Variants in C6 observed in about 807,000 individuals in gnomAD.
C6 encodes complement component C6.
C6 carries 101 observed loss-of-function variants against 112.9 expected under a neutral mutation model. That is an observed-to-expected ratio of 0.89 (90% CI 0.76 to 1.06). The LOEUF is 1.06. Among genes scored for constraint, C6 ranks in the 50% least tolerant of loss-of-function variants. The pLI, the probability that C6 is intolerant of heterozygous loss-of-function variation, is 0.00. For missense variants in C6, 1,202 were observed against 1,104.6 expected (o/e 1.09, Z -1.25); for synonymous variants, 431 against 384.1 (o/e 1.12, Z -1.43).
intron 1 of C6, among the ~76,000 whole-genome samples, chr5:41,242,774 TAA>T: frequency 6.6e-6 from 1 of 151,924 alleles, no homozygotes; most frequent in South Asian, 2.1e-4. Flanking sequence ...ATGAATGGAT[TAA>T]AAAAAGTATG....
intron 9 of C6, among the ~76,000 whole-genome samples, chr5:41,171,074 A>G (rs1481653190): frequency 2.0e-5 from 3 of 152,172 alleles, no homozygotes; most frequent in Non-Finnish European, 4.4e-5. Context: ...AAGCAGGAAG[A>G]CCACTTAGGG....
rs745693735 is a variant in C6, at chr5:41,203,083, C to G, written c.143+5G>C. On this transcript the variant is annotated splice_donor_5th_base_variant and intron_variant, in intron 2 of 17. Transcript: ENST00000337836. The stretch of plus-strand genomic sequence containing the variant: ...ACAAAGAAAAGCCACAAAGCTCACA[C>G]CCACCTGTGTCTGCTCTGGGTTCCA... 1.2e-5 allele frequency: 20 copies of G among 1,613,898 alleles called. No individual in the cohort carries two copies. In the African/African-American group the frequency reaches 1.7e-4, roughly 14 times the overall value.
At chr5:41,150,208 C>T (rs1313544704) in intron 15 of C6, among the ~76,000 whole-genome samples, 183 bp from the exon 16 acceptor site, 1 of 152,132 alleles carries the variant, frequency 6.6e-6, no homozygotes, top group Non-Finnish European at 1.5e-5. Flanking sequence ...CTTTCCAGTG[C>T]ACATGAGGTG....
chr5:41,206,738 A>G (rs1009445790), intron 1 of C6, among the ~76,000 whole-genome samples: 1 of 152,224 alleles, frequency 6.6e-6, no homozygotes, highest in Admixed American at 6.5e-5. Flanking sequence ...AAAAGACCAA[A>G]TCTACGTCTG....
chr5:41,206,812 A>G (rs1751475265), intron 1 of C6, among the ~76,000 whole-genome samples: 1 of 152,224 alleles, frequency 6.6e-6, no homozygotes. Flanking sequence ...GCAGGATATT[A>G]TCCAGGAGAA....
At chr5:41,175,457 T>C (rs550883579) in intron 8 of C6, among the ~76,000 whole-genome samples, 3 of 152,306 alleles carry the variant, frequency 2.0e-5, no homozygotes, top group Admixed American at 2.0e-4. Flanking sequence ...TTTCCTTCAT[T>C]ATATGTAACT....
rs1748843930 is a variant in C6, at chr5:41,176,361, A to G, written c.1168+114T>C. The G allele has an allele frequency of 2.8e-6, 3 of 1,073,644 alleles. No homozygotes were observed. In the African/African-American group the frequency reaches 4.8e-5, roughly 17 times the overall value. The allele number at this position is 1,073,644 out of a possible 1,614,324, so 66.5% of individuals were successfully genotyped here. On this transcript the variant is annotated intron_variant, in intron 8 of 17. Coordinates refer to ENST00000337836, the MANE Select transcript of C6 (RefSeq NM_000065.5). ...TATCATTCTTCATATCATTTTGGAAATAAAGCAGGATCTAAATAAAGTCAA... is the reference window on the plus strand; with the variant it reads ...TATCATTCTTCATATCATTTTGGAAGTAAAGCAGGATCTAAATAAAGTCAA...
chr5:41,236,528 C>A (rs1377555050), intron 1 of C6, among the ~76,000 whole-genome samples: 1 of 126,420 alleles, frequency 7.9e-6, no homozygotes, highest in Non-Finnish European at 1.7e-5. Context: ...TTGAAACCAA[C>A]GAGAACAAAG....
At chr5:41,208,105 T>C (rs955922484) in intron 1 of C6, among the ~76,000 whole-genome samples, 1 of 152,218 alleles carries the variant, frequency 6.6e-6, no homozygotes, top group African/African-American at 2.4e-5. Flanking sequence ...CTGAACAACC[T>C]GCTCTTGAAT....
rs745816890 is a variant in C6, at chr5:41,160,379, TG to T, written c.1459-13del. On this transcript the variant is annotated splice_polypyrimidine_tract_variant and intron_variant, in intron 10 of 17. Coordinates refer to ENST00000337836, the MANE Select transcript of C6 (RefSeq NM_000065.5). ...ACGATGGGGGCAAGCTAGGAGAAAA[TG>T]GGAGAGAGGAGGTCCAGTCACATCC... 1 of 1,605,224 alleles carries T rather than the reference TG, an allele frequency of 6.2e-7. No individual in the cohort carries two copies. Among genetic ancestry groups the T allele is most frequent in the East Asian group, 2.2e-5 (1 of 44,782 alleles).
At chr5:41,239,800 G>A (rs1194587722) in intron 1 of C6, among the ~76,000 whole-genome samples, 1 of 152,088 alleles carries the variant, frequency 6.6e-6, no homozygotes, top group Admixed American at 6.5e-5. Context: ...TGGTTTAGTG[G>A]TGATAAATTC....
intron 7 of C6, among the ~76,000 whole-genome samples, chr5:41,177,186 T>C (rs575076358): frequency 4.6e-5 from 7 of 152,346 alleles, no homozygotes; most frequent in South Asian, 2.1e-4. Context: ...TTCGATTCTC[T>C]AGACTTCAGT....
intron 1 of C6, among the ~76,000 whole-genome samples, chr5:41,250,448 T>G (rs958013559): frequency 6.6e-6 from 1 of 152,206 alleles, no homozygotes; most frequent in Non-Finnish European, 1.5e-5. Context: ...CAGTTATATT[T>G]TAGACCCTGG....
chr5:41,234,345 T>TC (rs1480483240), intron 1 of C6, among the ~76,000 whole-genome samples: 1 of 138,910 alleles, frequency 7.2e-6, no homozygotes, highest in African/African-American at 3.1e-5. Flanking sequence ...TTCGTTTTTT[T>TC]TTTTGTTTTT....
chr5:41,217,701 T>C (rs2150401094), upstream of C6, among the ~76,000 whole-genome samples: 1 of 152,258 alleles, frequency 6.6e-6, no homozygotes, highest in African/African-American at 2.4e-5. Flanking sequence ...TGGTCTAACA[T>C]AGTAATAGAA....
intron 16 of C6, 144 bp downstream of exon 16, chr5:41,149,791 T>A (rs1746205761): frequency 2.8e-6 from 2 of 706,320 alleles, no homozygotes; most frequent in East Asian, 5.4e-5. Context: ...GAAGGAGGAA[T>A]TCAGCAGAGC....
intron 1 of C6, among the ~76,000 whole-genome samples, chr5:41,232,301 A>C (rs1451628342): frequency 6.6e-6 from 1 of 152,014 alleles, no homozygotes; most frequent in Non-Finnish European, 1.5e-5. Flanking sequence ...TTCCTACTAC[A>C]CTACTCTGAG....
chr5:41,205,818 C>G (rs74689626), intron 1 of C6, among the ~76,000 whole-genome samples: 3,688 of 152,280 alleles, frequency 0.024, 163 homozygotes, highest in African/African-American at 0.084. Context: ...CAAAAGGCAG[C>G]AGAAACTTCT....
intron 9 of C6, among the ~76,000 whole-genome samples, chr5:41,170,352 A>T (rs1046233176): frequency 6.6e-6 from 1 of 151,956 alleles, no homozygotes; most frequent in Admixed American, 6.6e-5. Flanking sequence ...ATTTATAATT[A>T]TAATGATTAT....
Sources: gnomAD v4.1 joint callset for allele counts (sites outside exome capture counted in the v4.1 genomes callset) on GRCh38, gnomAD v4.1.1 for gene constraint, MANE v1.5 for transcripts, NCBI Gene and HGNC (gene_info 2026-07-23, HGNC 2026-07-21) for gene names.